Variants in RBM48 observed in about 807,000 individuals in gnomAD.
The protein encoded by RBM48 is RNA binding motif protein 48, also known as RNA-binding protein 48.
In RBM48, 32 loss-of-function variants were observed where a neutral mutation model predicts 34.8. That is an observed-to-expected ratio of 0.92 (90% confidence interval 0.69 to 1.23). The LOEUF is 1.23. Ranked by LOEUF, RBM48 falls within the 50% of genes most tolerant of loss-of-function variation. RBM48 has a pLI of 0.00. For missense variants in RBM48, 441 were observed against 447.2 expected (o/e 0.99, Z 0.12); for synonymous variants, 151 against 156.2 (o/e 0.97, Z 0.25).
chr7:92,536,675 TG>T (rs2116332258), intron 4 of RBM48, 175 bp from the exon 5 acceptor site: 2 of 1,238,504 alleles, frequency 1.6e-6, no homozygotes, highest in Non-Finnish European at 2.0e-6. Flanking sequence ...AGTATTCAAA[TG>T]GAAGACTCCA....
chr7:92,528,852 T>A lies in RBM48; in HGVS notation c.39T>A (p.Asp13Glu), dbSNP rs2116303829. The A allele has an allele frequency of 1.1e-5, 17 of 1,614,076 alleles. No individual in the cohort carries two copies. The highest frequency in any genetic ancestry group is 1.4e-5 in the Non-Finnish European group (17 of 1,180,006). Residue 13 changes from aspartate to glutamate, a missense_variant, in exon 1 of 5, where the codon GAT becomes GAA. Asp to Glu is a conservative substitution (Grantham distance 45). Transcript: ENST00000265732. ...GCGGGGAGCTAGGGAGTTTATTTGATCACCACGTCCAGAGGGCGGTATGCG... is the reference window on the plus strand; with the variant it reads ...GCGGGGAGCTAGGGAGTTTATTTGAACACCACGTCCAGAGGGCGGTATGCG... ...SSGGELGSLF[D>E]HHVQRAVCDT...
At chr7:92,535,088 G>GT in intron 4 of RBM48, 118 bp downstream of exon 4, 1 of 1,489,944 alleles carries the variant, frequency 6.7e-7, no homozygotes, top group Non-Finnish European at 8.9e-7. Context: ...GTTTTGATGT[G>GT]TTTTTCTACA....
chr7:92,539,064 A>G lies in RBM48; in HGVS notation c.*2127A>G, dbSNP rs1793796511. Among the ~76,000 whole-genome samples, 1 of 152,158 alleles carries G rather than the reference A, an allele frequency of 6.6e-6. No individual in the cohort carries two copies. Among genetic ancestry groups the G allele is most frequent in the South Asian group, 2.1e-4 (1 of 4,832 alleles). On this transcript the variant is annotated 3_prime_UTR_variant, in exon 5 of 5. Transcript: ENST00000265732. The stretch of plus-strand genomic sequence containing the variant: ...GGGCCTGAGATTCTGCATTTTTCCC[A>G]AGTCCCTAGGTGCTGCCAGTGCTGC...
At chr7:92,531,981 G>C (rs1793586492) in intron 2 of RBM48, among the ~76,000 whole-genome samples, 1 of 152,094 alleles carries the variant, frequency 6.6e-6, no homozygotes, top group Non-Finnish European at 1.5e-5. Context: ...CTCAGTTATT[G>C]AATGTTTTAT....
Position 92,537,228 on chromosome 7 carries a change from G to A in RBM48, c.*291G>A, listed in dbSNP as rs1229002363. The A allele has an allele frequency of 8.7e-5, 17 of 195,260 alleles. No individual in the cohort carries two copies. In the South Asian group the frequency reaches 1.1e-3, roughly 12 times the overall value. The allele number at this position is 195,260 out of a possible 1,614,324, so 12.1% of individuals were successfully genotyped here. A position where few individuals can be genotyped will look rare whatever the true frequency, so the allele number is the denominator to read the frequency against. ...CTCCTGAGTATCTGGGATTACAGGC[G>A]TGCACCACCATGCCTGGCTAAGTTT... On this transcript the variant is annotated 3_prime_UTR_variant, in exon 5 of 5. Coordinates refer to ENST00000265732, the MANE Select transcript of RBM48 (RefSeq NM_032120.4).
Position 92,534,527 on chromosome 7 carries a change from A to C in RBM48, c.574A>C (p.Asn192His), listed in dbSNP as rs187507005. The change falls in exon 4 of 5, where the codon AAT (asparagine) becomes CAT (histidine). Residue 192 changes from asparagine to histidine, a missense_variant. Asn to His is a moderately conservative substitution (Grantham distance 68, BLOSUM62 1). Coordinates refer to ENST00000265732, the MANE Select transcript of RBM48 (RefSeq NM_032120.4). ...TTTGAACACTTCTGCAGGGAACTCA[A>C]ATCCTTATCTTCCGTATTCCTGTGA... is the stretch of plus-strand genomic sequence containing the variant. ...AALNTSAGNS[N>H]PYLPYSCELP... 128 of 1,614,108 alleles carry C rather than the reference A, an allele frequency of 7.9e-5. 1 individual carries two copies. The South Asian group carries it at 1.4e-3, about 17-fold the overall frequency.
chr7:92,537,940 A>G lies in RBM48; in HGVS notation c.*1003A>G, dbSNP rs1793764285. The G allele has an allele frequency of 6.6e-6, 1 of 152,214 alleles. No individual in the cohort carries two copies. Among genetic ancestry groups the G allele is most frequent in the Non-Finnish European group, 1.5e-5 (1 of 68,068 alleles). 9.4% of individuals were successfully genotyped at this position (152,214 alleles called of 1,614,324 possible). On this transcript the variant is annotated 3_prime_UTR_variant, in exon 5 of 5. Coordinates refer to ENST00000265732, the MANE Select transcript of RBM48 (RefSeq NM_032120.4). ...CACCTCGGCCTCCCAAAGTACTAGG[A>G]TTATGGGTGTGACCCACTGTGCCTG...
Position 92,537,266 on chromosome 7 carries a change from A to T in RBM48, c.*329A>T, listed in dbSNP as rs1479269622. On this transcript the variant is annotated 3_prime_UTR_variant, in exon 5 of 5. Transcript: ENST00000265732. ...CCTGGCTAAGTTTTGTGTTTTTTTT[A>T]GTAGAGATGGGTTTTCACCATATTG... 6.0e-6 allele frequency: 1 copy of T among 167,932 alleles called. No individual in the cohort carries two copies. Among genetic ancestry groups the T allele is most frequent in the African/African-American group, 2.4e-5 (1 of 41,550 alleles). The allele number at this position is 167,932 out of a possible 1,614,324, so 10.4% of individuals were successfully genotyped here.
Position 92,534,434 on chromosome 7 carries a change from G to T in RBM48, c.481G>T (p.Glu161Ter). The change falls in exon 4 of 5, where the codon GAG becomes TAG. Residue 161 changes from glutamate (E) to a stop codon, truncating the protein, a stop_gained. Coordinates refer to ENST00000265732, the MANE Select transcript of RBM48 (RefSeq NM_032120.4). LOFTEE classifies it high-confidence loss of function. ...CGTGACAAAGAAGAAATTGGTTACA[G>T]AGCATAAAGACACAGAGGATTTTAG... ...HYVTKKKLVTEHKDTEDFRQD... is the reference protein window; with the variant it reads ...HYVTKKKLVT The T allele has an allele frequency of 1.2e-6, 2 of 1,612,938 alleles. No individual in the cohort carries two copies. Among genetic ancestry groups the T allele is most frequent in the South Asian group, 2.2e-5 (2 of 90,854 alleles).
In RBM48 at chr7:92,539,125, G is replaced by C. The variant is rs531432837; in HGVS notation, c.*2188G>C. 2.0e-5 allele frequency among the ~76,000 whole-genome samples: 3 copies of C among 152,222 alleles called. No individual in the cohort carries two copies. The highest frequency in any genetic ancestry group is 4.4e-5 in the Non-Finnish European group (3 of 68,042). ...ACCATCTTTGAATAGCAAGGCTCTA[G>C]ATAACTGGGCTACAGATGAACTCTG... On this transcript the variant is annotated 3_prime_UTR_variant, in exon 5 of 5. Coordinates refer to ENST00000265732, the MANE Select transcript of RBM48 (RefSeq NM_032120.4).
Position 92,529,533 on chromosome 7 carries a change from G to C in RBM48, c.169G>C (p.Gly57Arg), listed in dbSNP as rs955468475. 6.2e-7 allele frequency: 1 copy of C among 1,611,320 alleles called. No homozygotes were observed. The change falls in exon 2 of 5, where the codon GGA (glycine) becomes CGA (arginine). Residue 57 changes from glycine to arginine, a missense_variant. Gly to Arg is a moderately radical substitution (Grantham distance 125). Transcript: ENST00000265732. ...YLLIQGVPAV[G>R]VMKELVERFA... is the part of the protein sequence containing the mutation. ...ATTAATACAAGGAGTTCCTGCTGTGGGAGTCATGAAGGAATTAGTTGAGCG... is the reference window on the plus strand; with the variant it reads ...ATTAATACAAGGAGTTCCTGCTGTGCGAGTCATGAAGGAATTAGTTGAGCG...
In RBM48 at chr7:92,538,196, A is replaced by T. The variant is rs1793770209; in HGVS notation, c.*1259A>T. On this transcript the variant is annotated 3_prime_UTR_variant, in exon 5 of 5. Coordinates refer to ENST00000265732, the MANE Select transcript of RBM48 (RefSeq NM_032120.4). ...GCTTTATTCGGCCAGGAGCGTCGGC[A>T]GACTTGTGTCTCAAGAACCGTGCTC... 1.3e-5 allele frequency among the ~76,000 whole-genome samples: 2 copies of T among 152,200 alleles called. No individual in the cohort carries two copies. Among genetic ancestry groups the T allele is most frequent in the South Asian group, 2.1e-4 (1 of 4,828 alleles).
At chr7:92,532,648 A>G (rs1793605521) in intron 3 of RBM48, 99 bp downstream of exon 3, 2 of 806,540 alleles carry the variant, frequency 2.5e-6, no homozygotes, top group Non-Finnish European at 4.0e-6. Context: ...AGGCAAGTAA[A>G]CCATCACAGT....
chr7:92,529,221 C>T, intron 1 of RBM48: 2 of 571,178 alleles, frequency 3.5e-6, no homozygotes, highest in Non-Finnish European at 6.2e-6. Flanking sequence ...TGATTGTTCC[C>T]AGTGACTTCT....
chr7:92,535,308 G>A, intron 4 of RBM48: 1 of 1,191,882 alleles, frequency 8.4e-7, no homozygotes, highest in Non-Finnish European at 1.0e-6. Flanking sequence ...ATGAGCCAAA[G>A]TTGAGAAGCA....
intron 3 of RBM48, among the ~76,000 whole-genome samples, chr7:92,533,967 T>TAAA (rs768646005): frequency 8.2e-4 from 69 of 83,880 alleles, no homozygotes; most frequent in African/African-American, 2.5e-3. Context: ...TCTGAAATTG[T>TAAA]AAAAAAAAAA....
chr7:92,540,241 A>G lies in RBM48; in HGVS notation c.*3304A>G, dbSNP rs539177267. 4 of 152,214 alleles carry G rather than the reference A, an allele frequency of 2.6e-5. No homozygotes were observed. Among genetic ancestry groups the G allele is most frequent in the Non-Finnish European group, 4.4e-5 (3 of 68,036 alleles). 9.4% of individuals were successfully genotyped at this position (152,214 alleles called of 1,614,324 possible). On this transcript the variant is annotated 3_prime_UTR_variant, in exon 5 of 5. Coordinates refer to ENST00000265732, the MANE Select transcript of RBM48 (RefSeq NM_032120.4). ...CCTTTAAAATTTTTCCTGAATCTAT[A>G]TGGGCTATTGGCACTAGTAACTATA...
Position 92,539,591 on chromosome 7 carries a change from C to T in RBM48, c.*2654C>T, listed in dbSNP as rs564074362. Among the ~76,000 whole-genome samples, 3 of 152,148 alleles carry T rather than the reference C, an allele frequency of 2.0e-5. No individual in the cohort carries two copies. Among genetic ancestry groups the T allele is most frequent in the Non-Finnish European group, 4.4e-5 (3 of 67,978 alleles). ...GCAAATGCCTATAATCCCAGCTACT[C>T]GGGAGGCTGAGGCATGAGAATTACT... On this transcript the variant is annotated 3_prime_UTR_variant, in exon 5 of 5. Coordinates refer to ENST00000265732, the MANE Select transcript of RBM48 (RefSeq NM_032120.4).
intron 2 of RBM48, 135 bp from the exon 3 acceptor site, chr7:92,532,269 C>T: frequency 1.4e-6 from 1 of 710,240 alleles, no homozygotes; most frequent in South Asian, 1.9e-5. Context: ...CATCTTAATT[C>T]CCAATCCACA....
Sources: allele counts gnomAD v4.1 joint callset (sites outside exome capture counted in the v4.1 genomes callset), GRCh38; gene constraint gnomAD v4.1.1; transcripts MANE v1.5; gene names NCBI Gene and HGNC (gene_info 2026-07-23, HGNC 2026-07-21).